The following IFT81 variants were observed in gnomAD, a reference collection of about 807,000 sequenced individuals.
IFT81 encodes intraflagellar transport 81, also known as intraflagellar transport protein 81 homolog.
IFT81 carries 72 observed loss-of-function variants against 102.6 expected under a neutral mutation model. The observed-to-expected ratio is 0.70, with a 90% CI of 0.58 to 0.85. The LOEUF is 0.85. Ranked by LOEUF, IFT81 falls within the 40% of genes least tolerant of loss-of-function variation. The pLI is 0.00. For synonymous variants in IFT81, 237 were observed against 242.7 expected, an observed-to-expected ratio of 0.98 and a Z score of 0.22; for missense variants, 723 against 787.3, an observed-to-expected ratio of 0.92 and a Z score of 0.98.
intron 11 of IFT81, 107 bp downstream of exon 11, chr12:110,163,172 T>G: frequency 1.3e-6 from 1 of 789,868 alleles, no homozygotes; most frequent in Non-Finnish European, 2.0e-6. Context: ...GACGTTAATC[T>G]TATTTTATAA....
intron 12 of IFT81, among the ~76,000 whole-genome samples, chr12:110,188,138 C>G (rs1897622112): frequency 1.3e-5 from 2 of 152,162 alleles, no homozygotes; most frequent in South Asian, 4.1e-4. Flanking sequence ...CAAGAACATC[C>G]TGGCTAACAC....
chr12:110,162,889 A>C, intron 10 of IFT81, 30 bp from the exon 11 acceptor site: 2 of 1,553,204 alleles, frequency 1.3e-6, no homozygotes, highest in Non-Finnish European at 1.8e-6. Flanking sequence ...TGTATATCTT[A>C]TTATACCTTC....
At chr12:110,187,510 C>G (rs1897590255) in intron 12 of IFT81, among the ~76,000 whole-genome samples, 1 of 152,162 alleles carries the variant, frequency 6.6e-6, no homozygotes, top group Non-Finnish European at 1.5e-5. Flanking sequence ...AGTGATCTGC[C>G]CTTCTCGGCC....
At chr12:110,184,332 A>G (rs1370889513) in intron 12 of IFT81, among the ~76,000 whole-genome samples, 1 of 152,176 alleles carries the variant, frequency 6.6e-6, no homozygotes, top group Non-Finnish European at 1.5e-5. Context: ...CCTGGGTGAC[A>G]GAGCGAGACT....
chr12:110,174,947 G>A (rs538436932), intron 11 of IFT81, among the ~76,000 whole-genome samples: 5 of 152,260 alleles, frequency 3.3e-5, no homozygotes, highest in African/African-American at 1.2e-4. Context: ...ACACAACTGA[G>A]TACTCTCTCA....
chr12:110,156,092 A>G (rs1446487962), intron 10 of IFT81, among the ~76,000 whole-genome samples: 3 of 152,232 alleles, frequency 2.0e-5, no homozygotes, highest in Non-Finnish European at 2.9e-5. Flanking sequence ...TGTATGCCCA[A>G]AACATAAACT....
chr12:110,192,292 A>C (rs1897832707), intron 13 of IFT81, among the ~76,000 whole-genome samples: 1 of 152,056 alleles, frequency 6.6e-6, no homozygotes, highest in African/African-American at 2.4e-5. Flanking sequence ...ATTTATGTAT[A>C]TTTTATATGC....
chr12:110,158,390 A>T (rs552575464), intron 10 of IFT81, among the ~76,000 whole-genome samples: 142 of 150,652 alleles, frequency 9.4e-4, no homozygotes, highest in African/African-American at 3.2e-3. Flanking sequence ...CTGTTTTCAA[A>T]TTTTTTTAAC....
intron 11 of IFT81, among the ~76,000 whole-genome samples, chr12:110,171,338 G>A (rs1054825778): frequency 6.6e-6 from 1 of 151,882 alleles, no homozygotes; most frequent in African/African-American, 2.4e-5. Context: ...TAACAGCTGT[G>A]TGGTGGTGAT....
rs549580989 is a variant in IFT81, at chr12:110,186,486, TTTC to T, written c.1339-4431_1339-4429del. 8.1e-4 allele frequency among the ~76,000 whole-genome samples: 122 copies of T among 151,038 alleles called. 2 individuals are homozygous for T. The South Asian group carries it at 0.024, about 30-fold the overall frequency. On this transcript the variant is annotated intron_variant, in intron 12 of 18. Transcript: ENST00000242591. ...ATTTATTTATTATGTCTTTCTTTCCTTTCTTTCTTTCTTTTTTTATTTGTTTGT... is the reference window on the plus strand; with the variant it reads ...ATTTATTTATTATGTCTTTCTTTCCTTTTCTTTCTTTTTTTATTTGTTTGT...
chr12:110,169,023 C>CCTTCCTTCCTTCCTT (rs1896594214), intron 11 of IFT81: 2 of 115,334 alleles, frequency 1.7e-5, no homozygotes, highest in South Asian at 3.4e-4. Flanking sequence ...TTTCCTTCCT[C>CCTTCCTTCCTTCCTT]CCTTCCTTCC....
chr12:110,217,352 C>T (rs770064642), intron 18 of IFT81, among the ~76,000 whole-genome samples: 36 of 151,658 alleles, frequency 2.4e-4, no homozygotes, highest in Non-Finnish European at 4.4e-5. Flanking sequence ...GTCTATTAAC[C>T]TTAATTGATA....
intron 11 of IFT81, among the ~76,000 whole-genome samples, chr12:110,175,866 C>A (rs1046528114): frequency 2.0e-5 from 3 of 152,182 alleles, no homozygotes; most frequent in Middle Eastern, 3.4e-3. Flanking sequence ...CCAGTATCTT[C>A]TCTGGCATTG....
At chr12:110,125,442 T>C (rs907664499) in intron 1 of IFT81, among the ~76,000 whole-genome samples, 3 of 152,260 alleles carry the variant, frequency 2.0e-5, no homozygotes, top group Non-Finnish European at 2.9e-5. Flanking sequence ...TCCCCCAGGC[T>C]GGAGTGCAGT....
intron 8 of IFT81, among the ~76,000 whole-genome samples, chr12:110,142,182 G>A (rs1006765645): frequency 2.0e-5 from 3 of 151,846 alleles, no homozygotes; most frequent in Non-Finnish European, 2.9e-5. Flanking sequence ...GTTTTTTTGA[G>A]ACAGAGTCTC....
In IFT81 at chr12:110,147,006, A is replaced by G; in HGVS notation, c.999A>G (p.Arg333=). Residue 333 remains arginine (R), a synonymous_variant, in exon 10 of 19, where the codon AGA becomes AGG. Transcript: ENST00000242591. ...AGTTGATTGAAAAGAAAATGATGAG[A>G]AATGAGCCCATTGAAGGCAAACTCT... is the stretch of plus-strand genomic sequence containing the variant. ...INQLIEKKMM[R]NEPIEGKLSL... 1 of 1,612,004 alleles carries G rather than the reference A, an allele frequency of 6.2e-7. No individual in the cohort carries two copies. The highest frequency in any genetic ancestry group is 8.5e-7 in the Non-Finnish European group (1 of 1,179,040).
At chr12:110,183,850 A>T (rs1897408034) in intron 12 of IFT81, among the ~76,000 whole-genome samples, 1 of 152,000 alleles carries the variant, frequency 6.6e-6, no homozygotes, top group African/African-American at 2.4e-5. Flanking sequence ...CCCATCCCAG[A>T]CTCAGCACCC....
At chr12:110,188,027 AGCTCTTTAATAACCTATCT>A (rs1897615369) in intron 12 of IFT81, among the ~76,000 whole-genome samples, 1 of 152,118 alleles carries the variant, frequency 6.6e-6, no homozygotes, top group Admixed American at 6.6e-5. Flanking sequence ...ATCTTTGCTC[AGCTCTTTAATAACCTATCT>A]GCTCGGCCGG....
chr12:110,180,630 C>T (rs1043222973), intron 12 of IFT81, 59 bp downstream of exon 12: 3 of 1,253,246 alleles, frequency 2.4e-6, no homozygotes, highest in African/African-American at 3.0e-5. Flanking sequence ...TTATGGGTTA[C>T]AGCTTTATAC....
Sources: gnomAD v4.1 joint callset for allele counts (sites outside exome capture counted in the v4.1 genomes callset) on GRCh38, gnomAD v4.1.1 for gene constraint, MANE v1.5 for transcripts, NCBI Gene and HGNC (gene_info 2026-07-23, HGNC 2026-07-21) for gene names.